The following TPD52L1 variants were observed in gnomAD, a reference collection of about 807,000 sequenced individuals.
The protein encoded by TPD52L1 is tumor protein D53.
TPD52L1 carries 18 observed loss-of-function variants against 28.7 expected under a neutral mutation model. That is an observed-to-expected ratio of 0.63 (90% confidence interval 0.43 to 0.93). TPD52L1 has a LOEUF of 0.93. TPD52L1 is among the 40% of genes least tolerant of loss of function. TPD52L1 has a pLI of 0.00. For synonymous variants in TPD52L1, 75 were observed against 88.8 expected (o/e 0.84, Z 0.88); for missense variants, 203 against 254.8 (o/e 0.80, Z 1.39).
chr6:125,245,262 A>T (rs1796859430), intron 3 of TPD52L1, among the ~76,000 whole-genome samples: 1 of 152,198 alleles, frequency 6.6e-6, no homozygotes, highest in Non-Finnish European at 1.5e-5. Flanking sequence ...TACAGGCAGC[A>T]GTATTAGCTG....
chr6:125,213,547 A>G (rs1471147210), intron 1 of TPD52L1, among the ~76,000 whole-genome samples: 1 of 152,110 alleles, frequency 6.6e-6, no homozygotes, highest in Non-Finnish European at 1.5e-5. Flanking sequence ...CACTTCCTCC[A>G]TTTGTCCTCT....
chr6:125,159,201 A>C (rs1790347908), intron 1 of TPD52L1, among the ~76,000 whole-genome samples: 1 of 152,150 alleles, frequency 6.6e-6, no homozygotes, highest in African/African-American at 2.4e-5. Flanking sequence ...CTGCGATAGA[A>C]CTTCTTTCAA....
chr6:125,194,017 T>C (rs1582900765), intron 1 of TPD52L1, among the ~76,000 whole-genome samples: 1 of 140,284 alleles, frequency 7.1e-6, no homozygotes, highest in East Asian at 2.1e-4. Context: ...AAAAGTCTTC[T>C]GAATAGTTTT....
At chr6:125,194,178 A>G (rs1294297728) in intron 1 of TPD52L1, among the ~76,000 whole-genome samples, 1 of 151,954 alleles carries the variant, frequency 6.6e-6, no homozygotes, top group African/African-American at 2.4e-5. Flanking sequence ...TTTAGGTGTG[A>G]CTTTTTCCAT....
rs530142464 is a variant in TPD52L1, at chr6:125,188,601, G to A, written c.20-31477G>A. Reference sequence around the variant, plus strand: ...AATAATGAACAAAATTTTATGAAATGTTACTTGTTCTTATTATATGCATTC... The same window carrying A: ...AATAATGAACAAAATTTTATGAAATATTACTTGTTCTTATTATATGCATTC... On this transcript the variant is annotated intron_variant, in intron 1 of 6. Transcript: ENST00000534000. Among the ~76,000 whole-genome samples, 6 of 152,230 alleles carry A rather than the reference G, an allele frequency of 3.9e-5. No homozygotes were observed. The South Asian group carries it at 6.2e-4, about 16-fold the overall frequency.
intron 1 of TPD52L1, among the ~76,000 whole-genome samples, chr6:125,166,647 T>C (rs1443768442): frequency 6.6e-6 from 1 of 152,088 alleles, no homozygotes. Flanking sequence ...TAAATTTTGC[T>C]TGCACAAGGG....
rs137967528 is a variant in TPD52L1 at position 125,244,443 on chromosome 6, C to A, written c.285-3839C>A. Among the ~76,000 whole-genome samples the A allele has an allele frequency of 1.6e-3, 251 of 152,268 alleles. 1 individual carries two copies. Among genetic ancestry groups the A allele is most frequent in the African/African-American group, 5.9e-3 (247 of 41,558 alleles). On this transcript the variant is annotated intron_variant, in intron 3 of 6. Coordinates refer to ENST00000534000, the MANE Select transcript of TPD52L1 (RefSeq NM_003287.4). ...TCATCAAGGTGAGGAGTGGGAGCTA[C>A]CTCAGCTCTCCTGCCAGGTCAGCAG... is the stretch of plus-strand genomic sequence containing the variant.
intron 2 of TPD52L1, among the ~76,000 whole-genome samples, chr6:125,224,915 A>G (rs1432666234): frequency 1.3e-5 from 2 of 152,222 alleles, no homozygotes; most frequent in African/African-American, 2.4e-5. Flanking sequence ...TAAAGTGACC[A>G]ATTCAGTGGC....
intron 3 of TPD52L1, among the ~76,000 whole-genome samples, chr6:125,242,763 A>G (rs1386628802): frequency 6.6e-6 from 1 of 152,110 alleles, no homozygotes; most frequent in Non-Finnish European, 1.5e-5. Flanking sequence ...TGCGTCTTTT[A>G]AGTGGAGCAT....
intron 1 of TPD52L1, among the ~76,000 whole-genome samples, chr6:125,172,144 CTTTCTTTCTTTCTTTT>C (rs1791401029): frequency 1.5e-4 from 9 of 60,582 alleles, no homozygotes; most frequent in African/African-American, 1.8e-4. Context: ...TTCTTTCTTT[CTTTCTTTCTTTCTTTT>C]CTTTCTTTCT....
chr6:125,169,235 A>G (rs922197939), intron 1 of TPD52L1, among the ~76,000 whole-genome samples: 6 of 152,142 alleles, frequency 3.9e-5, no homozygotes, highest in Non-Finnish European at 7.3e-5. Flanking sequence ...GCCTGCCCCA[A>G]GGATCCGTCC....
chr6:125,233,450 A>G (rs1211041970), intron 3 of TPD52L1, among the ~76,000 whole-genome samples: 4 of 152,110 alleles, frequency 2.6e-5, no homozygotes, highest in African/African-American at 4.8e-5. Flanking sequence ...TTAAAGACCT[A>G]ATTTTAAAAG....
chr6:125,231,362 G>C (rs1795937015), intron 3 of TPD52L1: 1 of 152,298 alleles, frequency 6.6e-6, no homozygotes, highest in African/African-American at 2.4e-5. Flanking sequence ...GGTCTGCCAG[G>C]GGAAGGGAGG....
chr6:125,259,089 T>C (rs537705759), intron 6 of TPD52L1, among the ~76,000 whole-genome samples: 132 of 152,340 alleles, frequency 8.7e-4, no homozygotes, highest in Non-Finnish European at 1.4e-3. Flanking sequence ...CTAAGTCTTC[T>C]CCAAAATGTC....
intron 1 of TPD52L1, among the ~76,000 whole-genome samples, chr6:125,202,441 T>C (rs1793851800): frequency 1.3e-5 from 2 of 151,894 alleles, no homozygotes; most frequent in South Asian, 2.1e-4. Context: ...CCCTCAGGAG[T>C]TGAAGGAGAT....
At chr6:125,156,489 T>C (rs1219433556) in intron 1 of TPD52L1, among the ~76,000 whole-genome samples, 1 of 107,772 alleles carries the variant, frequency 9.3e-6, no homozygotes, top group Non-Finnish European at 1.9e-5. Context: ...AAGAGAGAGA[T>C]ACAAAAAAGG....
chr6:125,173,178 G>A (rs774320129), intron 1 of TPD52L1, among the ~76,000 whole-genome samples: 7 of 152,148 alleles, frequency 4.6e-5, no homozygotes, highest in Non-Finnish European at 1.0e-4. Context: ...CATGTTCACA[G>A]AAGGAATCCA....
rs533174711 is a variant in TPD52L1, at chr6:125,253,806, G to T, written c.425+51G>T. The T allele has an allele frequency of 2.7e-6, 4 of 1,509,410 alleles. No individual in the cohort carries two copies. The Admixed American group carries it at 5.0e-5, about 19-fold the overall frequency. The allele number at this position is 1,509,410 out of a possible 1,614,324, so 93.5% of individuals were successfully genotyped here. ...AATATTAATATGAAATGTGTTTAAG[G>T]TGTTATTTTATTTATATTTACTTAT... On this transcript the variant is annotated intron_variant, in intron 5 of 6. Coordinates refer to ENST00000534000, the MANE Select transcript of TPD52L1 (RefSeq NM_003287.4).
At chr6:125,232,804 G>A (rs3799738) in intron 3 of TPD52L1, among the ~76,000 whole-genome samples, 23,088 of 152,050 alleles carry the variant, frequency 0.15, 2,126 homozygotes, top group East Asian at 0.32. Context: ...AAAAGGTCAA[G>A]GGATCATCGG....
Sources: allele counts gnomAD v4.1 joint callset (sites outside exome capture counted in the v4.1 genomes callset), GRCh38; gene constraint gnomAD v4.1.1; transcripts MANE v1.5; gene names NCBI Gene and HGNC (gene_info 2026-07-23, HGNC 2026-07-21).